Variants in PAPPA2 observed in about 807,000 individuals in gnomAD.
The protein encoded by PAPPA2 is pappalysin-2.
PAPPA2 carries 86 observed loss-of-function variants against 176.4 expected under a neutral mutation model. The observed-to-expected ratio is 0.49, with a 90% CI of 0.41 to 0.58. The LOEUF is 0.58. PAPPA2 is among the 20% of genes least tolerant of loss of function. The probability of loss-of-function intolerance (pLI) is 0.00; values close to 1 mark genes in which losing one functional copy is unlikely to be tolerated. For synonymous variants in PAPPA2, 809 were observed against 852.2 expected, an observed-to-expected ratio of 0.95 and a Z score of 0.88; for missense variants, 2,073 against 2,256.9, an observed-to-expected ratio of 0.92 and a Z score of 1.65.
At chr1:176,775,880 A>G (rs932273449) in intron 17 of PAPPA2, among the ~76,000 whole-genome samples, 1 of 152,196 alleles carries the variant, frequency 6.6e-6, no homozygotes, top group Non-Finnish European at 1.5e-5. Context: ...ACACTTTTGC[A>G]TGGTAGATTT....
At position 176,671,140 on chromosome 1, in the gene PAPPA2, A is replaced by C. The variant is rs1404759675; in HGVS notation, c.2137+25A>C. The C allele has an allele frequency of 2.5e-6, 4 of 1,608,158 alleles. No individual in the cohort carries two copies. The African/African-American group carries it at 5.4e-5, about 22-fold the overall frequency. On this transcript the variant is annotated intron_variant, in intron 4 of 22. Coordinates refer to ENST00000367662, the MANE Select transcript of PAPPA2 (RefSeq NM_020318.3). ...GGTAAGTGAAATGAAGACCAAACAT[A>C]GTAGGAAAAAAACAAAGAAGGCTGA...
In PAPPA2 at chr1:176,838,203, G is replaced by A. The variant is rs528199286; in HGVS notation, c.5203-1970G>A. 4.6e-5 allele frequency among the ~76,000 whole-genome samples: 7 copies of A among 152,264 alleles called. 1 individual carries two copies. The highest frequency in any genetic ancestry group is 1.3e-4 in the Admixed American group (2 of 15,284). ...ATGTTCTCTAATGTTCTTGAGATTA[G>A]AAGCGACCCTTGTTGAAGACTTTAG... is the stretch of plus-strand genomic sequence containing the variant. On this transcript the variant is annotated intron_variant, in intron 21 of 22. Coordinates refer to ENST00000367662, the MANE Select transcript of PAPPA2 (RefSeq NM_020318.3).
intron 1 of PAPPA2, among the ~76,000 whole-genome samples, chr1:176,478,682 G>A (rs771044214): frequency 1.2e-4 from 18 of 152,202 alleles, no homozygotes; most frequent in Non-Finnish European, 2.6e-4. Flanking sequence ...CATTGATTAG[G>A]CAAAACAGAG....
chr1:176,682,429 GGTA>G (rs1416983924), intron 4 of PAPPA2, among the ~76,000 whole-genome samples: 1 of 152,150 alleles, frequency 6.6e-6, no homozygotes, highest in Non-Finnish European at 1.5e-5. Context: ...TCATTGACAA[GGTA>G]GTAGCTTTTG....
chr1:176,492,154 C>T (rs994273501), intron 1 of PAPPA2, among the ~76,000 whole-genome samples: 36 of 152,164 alleles, frequency 2.4e-4, no homozygotes, highest in African/African-American at 4.6e-4. Flanking sequence ...ATGGTGCTCA[C>T]AGAGCATGGG....
At position 176,515,814 on chromosome 1, in the gene PAPPA2, A is replaced by G. The variant is rs1022384284; in HGVS notation, c.-916-39593A>G. Among the ~76,000 whole-genome samples, 27 of 152,196 alleles carry G rather than the reference A, an allele frequency of 1.8e-4. 2 individuals carry two copies. Among genetic ancestry groups the G allele is most frequent in the Admixed American group, 9.8e-4 (15 of 15,250 alleles). ...AGAAATGTTCACTATGCCATGAAGT[A>G]GCTGTCACTTATGCACTCCATTCCT... On this transcript the variant is annotated intron_variant, in intron 1 of 22. Coordinates refer to ENST00000367662, the MANE Select transcript of PAPPA2 (RefSeq NM_020318.3).
At position 176,743,670 on chromosome 1, in the gene PAPPA2, G is replaced by A. The variant is rs116912563; in HGVS notation, c.4151+3474G>A. Reference sequence around the variant, plus strand: ...TAAAATATAACCCAGACACCAATATGTTAACATACCTAAGTGAGTGAATTA... The same window carrying A: ...TAAAATATAACCCAGACACCAATATATTAACATACCTAAGTGAGTGAATTA... On this transcript the variant is annotated intron_variant, in intron 14 of 22. Transcript: ENST00000367662. 2.0e-5 allele frequency among the ~76,000 whole-genome samples: 3 copies of A among 152,270 alleles called. No homozygotes were observed. In the East Asian group the frequency reaches 5.8e-4, roughly 29 times the overall value.
chr1:176,620,287 G>A (rs548622647), intron 3 of PAPPA2, among the ~76,000 whole-genome samples: 14 of 151,310 alleles, frequency 9.3e-5, no homozygotes, highest in African/African-American at 2.4e-4. Flanking sequence ...TTTTTTTTTC[G>A]GAGACAGGGG....
At chr1:176,834,253 C>T (rs1186898974) in intron 21 of PAPPA2, among the ~76,000 whole-genome samples, 1 of 152,132 alleles carries the variant, frequency 6.6e-6, no homozygotes, top group African/African-American at 2.4e-5. Flanking sequence ...CTTTCTGAGT[C>T]CAGGAAGCCA....
intron 14 of PAPPA2, among the ~76,000 whole-genome samples, chr1:176,744,860 G>T (rs1371909881): frequency 6.6e-6 from 1 of 152,014 alleles, no homozygotes; most frequent in Non-Finnish European, 1.5e-5. Flanking sequence ...GCCAATCTTG[G>T]TTTTTGGTAT....
At chr1:176,796,870 C>T (rs1665467242) in intron 20 of PAPPA2, among the ~76,000 whole-genome samples, 1 of 151,290 alleles carries the variant, frequency 6.6e-6, no homozygotes, top group South Asian at 2.1e-4. Context: ...GTCCTTCCTT[C>T]CTCCCTCCTT....
intron 14 of PAPPA2, among the ~76,000 whole-genome samples, chr1:176,744,565 A>G (rs1662823196): frequency 1.3e-5 from 2 of 152,116 alleles, no homozygotes; most frequent in Non-Finnish European, 2.9e-5. Context: ...AGACCTCTAT[A>G]CTTCCTAACC....
At chr1:176,772,667 C>T (rs1664286060) in intron 17 of PAPPA2, among the ~76,000 whole-genome samples, 1 of 152,134 alleles carries the variant, frequency 6.6e-6, no homozygotes, top group Admixed American at 6.5e-5. Flanking sequence ...GGCAACACTC[C>T]CTGGTTCAGT....
chr1:176,786,101 G>C (rs984017581), intron 17 of PAPPA2, among the ~76,000 whole-genome samples: 4 of 152,084 alleles, frequency 2.6e-5, no homozygotes, highest in African/African-American at 4.8e-5. Context: ...GAGAGTCCCC[G>C]GAGGATATAA....
At chr1:176,583,650 A>G (rs1653119400) in intron 2 of PAPPA2, among the ~76,000 whole-genome samples, 1 of 152,134 alleles carries the variant, frequency 6.6e-6, no homozygotes. Context: ...TGTTGCCTAG[A>G]TTAGTCTTAA....
intron 4 of PAPPA2, among the ~76,000 whole-genome samples, chr1:176,677,404 T>A (rs1321662593): frequency 6.6e-6 from 1 of 152,198 alleles, no homozygotes; most frequent in Non-Finnish European, 1.5e-5. Context: ...AGGTAATTTG[T>A]CATCTTGATT....
At chr1:176,584,883 A>G in intron 2 of PAPPA2, among the ~76,000 whole-genome samples, 1 of 151,972 alleles carries the variant, frequency 6.6e-6, no homozygotes, top group Non-Finnish European at 1.5e-5. Context: ...ACAGGTGCCC[A>G]GCAGCACGCC....
intron 2 of PAPPA2, among the ~76,000 whole-genome samples, chr1:176,581,781 G>A (rs1190849485): frequency 1.1e-4 from 17 of 151,350 alleles, no homozygotes; most frequent in Non-Finnish European, 4.4e-5. Flanking sequence ...ATATAAAAAT[G>A]TTACTGATTT....
At chr1:176,825,122 C>T (rs918628379) in intron 21 of PAPPA2, among the ~76,000 whole-genome samples, 3 of 152,176 alleles carry the variant, frequency 2.0e-5, no homozygotes, top group Admixed American at 2.0e-4. Context: ...GCCTTTCCTC[C>T]TCTTACCTCC....
Sources: allele counts gnomAD v4.1 joint callset (sites outside exome capture counted in the v4.1 genomes callset), GRCh38; gene constraint gnomAD v4.1.1; transcripts MANE v1.5; gene names NCBI Gene and HGNC (gene_info 2026-07-23, HGNC 2026-07-21).